MICAL3: variants seen among roughly 807,000 people sequenced by gnomAD.
MICAL3 encodes the protein microtubule associated monooxygenase, calponin and LIM domain containing 3, also known as [F-actin]-monooxygenase MICAL3.
In MICAL3, 62 loss-of-function variants were observed where a neutral mutation model predicts 207.4. The ratio of observed to expected loss-of-function variants is 0.30; its 90% CI spans 0.24 to 0.37. MICAL3 has a LOEUF of 0.37. Among genes scored for constraint, MICAL3 ranks in the 10% least tolerant of loss-of-function variants. The pLI is 1.00. For missense variants in MICAL3, 2,368 were observed against 2,635.6 expected, an observed-to-expected ratio of 0.90 and a Z score of 2.22; for synonymous variants, 1,077 against 1,069.3, an observed-to-expected ratio of 1.01 and a Z score of -0.14.
At chr22:17,958,484 C>A (rs1934735847) in intron 1 of MICAL3, among the ~76,000 whole-genome samples, 1 of 152,090 alleles carries the variant, frequency 6.6e-6, no homozygotes, top group Admixed American at 6.5e-5. Flanking sequence ...TCAGCTGCAC[C>A]CCATCCTCAC....
Position 17,841,983 on chromosome 22 carries a change from G to A in MICAL3, c.2640C>T (p.Ile880=), listed in dbSNP as rs761009682. 4.9e-5 allele frequency: 79 copies of A among 1,605,532 alleles called. No individual in the cohort carries two copies. The highest frequency in any genetic ancestry group is 6.3e-5 in the Non-Finnish European group (74 of 1,179,464). ...SGVNGLEEPS[I]AKRLRGTPER... is the part of the protein sequence containing the mutation. ...CTGGGGTGCCCCTCAGTCGCTTGGC[G>A]ATGCTGGGCTCCTCCAGGCCGTTCA... The change falls in exon 20 of 32, where the codon ATC becomes ATT. Residue 880 remains isoleucine (I), a synonymous_variant. Coordinates refer to ENST00000441493, the MANE Select transcript of MICAL3 (RefSeq NM_015241.3). The surrounding 1 kb of genome is among the most constrained non-coding windows in gnomAD (Gnocchi z 4.2).
At chr22:17,923,463 G>A (rs1377283555) in intron 1 of MICAL3, among the ~76,000 whole-genome samples, 1 of 152,188 alleles carries the variant, frequency 6.6e-6, no homozygotes, top group Non-Finnish European at 1.5e-5. Context: ...AATAAGATTA[G>A]CCAGTGTAGA....
intron 29 of MICAL3, among the ~76,000 whole-genome samples, chr22:17,798,312 C>T (rs972671085): frequency 9.2e-5 from 14 of 152,198 alleles, no homozygotes; most frequent in African/African-American, 3.1e-4. Flanking sequence ...GTGTGTTTCA[C>T]GCACACAGAA....
At chr22:17,941,230 A>G (rs1304193444) in intron 1 of MICAL3, among the ~76,000 whole-genome samples, 1 of 152,204 alleles carries the variant, frequency 6.6e-6, no homozygotes, top group Non-Finnish European at 1.5e-5. Context: ...AAGAGACTCA[A>G]AAGACCCCTG....
chr22:17,878,130 G>C (rs1929056755), intron 16 of MICAL3, among the ~76,000 whole-genome samples: 1 of 152,196 alleles, frequency 6.6e-6, no homozygotes, highest in South Asian at 2.1e-4. Context: ...TGGGATTACA[G>C]GCCTGAGCCA....
chr22:18,004,164 T>G (rs994584160), intron 1 of MICAL3: 9 of 152,286 alleles, frequency 5.9e-5, no homozygotes, highest in Admixed American at 1.3e-4. Flanking sequence ...CCTTCCAGAT[T>G]GATTGCCAGA....
chr22:17,994,854 TC>T (rs1922103182), intron 1 of MICAL3, among the ~76,000 whole-genome samples: 1 of 152,052 alleles, frequency 6.6e-6, no homozygotes, highest in Admixed American at 6.6e-5. Flanking sequence ...GTGCTGTCCA[TC>T]CCTCTCCTGC....
intron 27 of MICAL3, chr22:17,815,224 T>C (rs56114181): frequency 0.34 from 52,433 of 152,376 alleles, 9,517 homozygotes; most frequent in African/African-American, 0.42. Flanking sequence ...CCTTGCTCCT[T>C]GTATCTGCTG....
In MICAL3 at chr22:17,884,321, C is replaced by T. The variant is rs143295353; in HGVS notation, c.2241+1557G>A. ...GGCAGGGCGAACCTGCCCAGGCAGG[C>T]AGCAGGACGGCTGGCTGGCCCCACG... On this transcript the variant is annotated intron_variant, in intron 16 of 31. Transcript: ENST00000441493. 141 of 1,594,660 alleles carry T rather than the reference C, an allele frequency of 8.8e-5. 1 individual carries two copies. In the East Asian group the frequency reaches 3.2e-3, roughly 36 times the overall value.
In MICAL3 at chr22:17,862,451, G is replaced by A. The variant is rs187812755; in HGVS notation, c.2605+2448C>T. On this transcript the variant is annotated intron_variant, in intron 19 of 31. Transcript: ENST00000441493. ...ATTTTTTTGTATTTTTAGTAGAGAC[G>A]GGGTTTCACTGTGTTAGCCAGGATG... is the stretch of plus-strand genomic sequence containing the variant. 1.5e-3 allele frequency: 735 copies of A among 499,782 alleles called. 3 individuals are homozygous for A. The highest frequency in any genetic ancestry group is 1.8e-3 in the Non-Finnish European group (677 of 386,350). The allele number at this position is 499,782 out of a possible 1,614,324, so 31.0% of individuals were successfully genotyped here.
chr22:17,888,785 A>T (rs1930145025), intron 13 of MICAL3, among the ~76,000 whole-genome samples: 1 of 152,230 alleles, frequency 6.6e-6, no homozygotes, highest in African/African-American at 2.4e-5. Flanking sequence ...ACGGAAAAAG[A>T]CGGCACAGGA....
In MICAL3 at chr22:17,861,552, A is replaced by G. The variant is rs145666133; in HGVS notation, c.2605+3347T>C. The G allele has an allele frequency of 3.6e-4, 356 of 985,456 alleles. 8 individuals are homozygous for G. In the East Asian group the frequency reaches 0.021, roughly 59 times the overall value. 61.0% of individuals were successfully genotyped at this position (985,456 alleles called of 1,614,324 possible). On this transcript the variant is annotated intron_variant, in intron 19 of 31. Coordinates refer to ENST00000441493, the MANE Select transcript of MICAL3 (RefSeq NM_015241.3). ...AGAGGATTCCTCTGGACAAAAACGA[A>G]TTCAAGAAACCTGTAACTAAACTTC... is the stretch of plus-strand genomic sequence containing the variant.
At chr22:17,805,875 T>C (rs1238971116) in intron 29 of MICAL3, among the ~76,000 whole-genome samples, 1 of 152,202 alleles carries the variant, frequency 6.6e-6, no homozygotes, top group African/African-American at 2.4e-5. Flanking sequence ...ATTACAGGCA[T>C]GTACCACCAT....
chr22:17,813,223 G>A (rs936649764), intron 27 of MICAL3: 7 of 152,252 alleles, frequency 4.6e-5, no homozygotes, highest in African/African-American at 1.4e-4. Flanking sequence ...CTTGTGCAGA[G>A]CCGCTCTGAG....
intron 27 of MICAL3, chr22:17,813,114 T>C (rs1323353858): frequency 1.3e-5 from 2 of 152,164 alleles, no homozygotes; most frequent in Non-Finnish European, 2.9e-5. Flanking sequence ...TGCCATTTCT[T>C]GATTGTGCCC....
chr22:17,962,543 C>A (rs994763824), intron 1 of MICAL3, among the ~76,000 whole-genome samples: 1 of 152,126 alleles, frequency 6.6e-6, no homozygotes, highest in Non-Finnish European at 1.5e-5. Flanking sequence ...GATGGAACTG[C>A]GGCCAGGCCA....
chr22:17,827,429 A>G (rs550293805), intron 22 of MICAL3, among the ~76,000 whole-genome samples: 6 of 152,332 alleles, frequency 3.9e-5, no homozygotes, highest in Non-Finnish European at 7.3e-5. Context: ...TCAATGGAGA[A>G]AGAGTCCACA....
At chr22:17,936,575 TA>T (rs963851974) in intron 1 of MICAL3, among the ~76,000 whole-genome samples, 3,058 of 134,496 alleles carry the variant, frequency 0.023, 81 homozygotes, top group African/African-American at 0.068. Context: ...AAAGTATAAT[TA>T]AAAAAAAAAA....
chr22:17,823,614 A>G (rs538011566), intron 22 of MICAL3, among the ~76,000 whole-genome samples: 9 of 152,136 alleles, frequency 5.9e-5, no homozygotes, highest in African/African-American at 2.2e-4. Context: ...AAATTGTTTC[A>G]TGCATAAAAT....
Sources: gnomAD v4.1 joint callset for allele counts (sites outside exome capture counted in the v4.1 genomes callset) on GRCh38, gnomAD v4.1.1 for gene constraint, Gnocchi (gnomAD v3.1) non-coding constraint, MANE v1.5 for transcripts, NCBI Gene and HGNC (gene_info 2026-07-23, HGNC 2026-07-21) for gene names.